The following SYNDIG1 variants were observed in gnomAD, a reference collection of about 807,000 sequenced individuals.
SYNDIG1 encodes the protein synapse differentiation-inducing gene protein 1.
SYNDIG1 carries 9 observed loss-of-function variants against 19.4 expected under a neutral mutation model. The ratio of observed to expected loss-of-function variants is 0.46; its 90% CI spans 0.28 to 0.81. The LOEUF (loss-of-function observed/expected upper bound fraction) is 0.81. SYNDIG1 is among the 30% of genes least tolerant of loss of function. The pLI, the probability that SYNDIG1 is intolerant of heterozygous loss-of-function variation, is 0.12. For missense variants in SYNDIG1, 311 were observed against 343.3 expected, an observed-to-expected ratio of 0.91 and a Z score of 0.74; for synonymous variants, 141 against 145.9, an observed-to-expected ratio of 0.97 and a Z score of 0.24.
At chr20:24,641,830 CT>C (rs924418498) in intron 3 of SYNDIG1, among the ~76,000 whole-genome samples, 1 of 152,136 alleles carries the variant, frequency 6.6e-6, no homozygotes, top group African/African-American at 2.4e-5. Flanking sequence ...TTAAAGTCAA[CT>C]TTTTATTTTA....
At chr20:24,642,821 A>G (rs1160326616) in intron 3 of SYNDIG1, among the ~76,000 whole-genome samples, 1 of 152,026 alleles carries the variant, frequency 6.6e-6, no homozygotes, top group Non-Finnish European at 1.5e-5. Context: ...TGGTTCTTTC[A>G]TTAGAGAATA....
At position 24,542,893 on chromosome 20, in the gene SYNDIG1, A is replaced by G. The variant is rs934716714; in HGVS notation, c.-78-127A>G. The G allele has an allele frequency of 1.1e-5, 8 of 731,022 alleles. No individual in the cohort carries two copies. In the Admixed American group the frequency reaches 1.5e-4, roughly 13 times the overall value. The allele number at this position is 731,022 out of a possible 1,614,324, so 45.3% of individuals were successfully genotyped here. A position where few individuals can be genotyped will look rare whatever the true frequency, so the allele number is the denominator to read the frequency against. Reference sequence around the variant, plus strand: ...CACTGAATAGGTAGGACTGCATTTTATCTAACTCTCACAGTTACTATGCGT... The same window carrying G: ...CACTGAATAGGTAGGACTGCATTTTGTCTAACTCTCACAGTTACTATGCGT... On this transcript the variant is annotated intron_variant, in intron 1 of 3. Coordinates refer to ENST00000376862, the MANE Select transcript of SYNDIG1 (RefSeq NM_024893.3).
At chr20:24,489,317 C>T (rs1020793788) in intron 1 of SYNDIG1, among the ~76,000 whole-genome samples, 2 of 148,450 alleles carry the variant, frequency 1.3e-5, no homozygotes, top group African/African-American at 5.0e-5. Context: ...CACGCAGACA[C>T]ATGGACACAC....
At chr20:24,527,193 T>G (rs1326517589) in intron 1 of SYNDIG1, among the ~76,000 whole-genome samples, 2 of 152,234 alleles carry the variant, frequency 1.3e-5, no homozygotes, top group Non-Finnish European at 2.9e-5. Flanking sequence ...CTCCTATCTT[T>G]TTTTCTATTC....
intron 3 of SYNDIG1, 55 bp downstream of exon 3, chr20:24,585,048 T>TGG: frequency 2.5e-6 from 1 of 395,196 alleles, no homozygotes; most frequent in Admixed American, 4.4e-5. Flanking sequence ...AGGGTGGGGG[T>TGG]GGGGGCGGCA....
At chr20:24,615,530 C>G (rs1174136178) in intron 3 of SYNDIG1, among the ~76,000 whole-genome samples, 1 of 152,180 alleles carries the variant, frequency 6.6e-6, no homozygotes, top group Non-Finnish European at 1.5e-5. Context: ...ACAAGGAACC[C>G]ATGCTGCACC....
At chr20:24,529,907 A>T (rs2146613772) in intron 1 of SYNDIG1, among the ~76,000 whole-genome samples, 1 of 14,066 alleles carries the variant, frequency 7.1e-5, no homozygotes, top group African/African-American at 3.2e-4. Flanking sequence ...TGATGGTAGT[A>T]CTCCTGGTGA....
intron 1 of SYNDIG1, among the ~76,000 whole-genome samples, chr20:24,516,995 T>C (rs2056880646): frequency 6.6e-6 from 1 of 152,176 alleles, no homozygotes; most frequent in South Asian, 2.1e-4. Context: ...GTTCATGTCC[T>C]TTGTAGGGAC....
At chr20:24,522,234 T>A (rs1001924672) in intron 1 of SYNDIG1, among the ~76,000 whole-genome samples, 1 of 152,070 alleles carries the variant, frequency 6.6e-6, no homozygotes, top group African/African-American at 2.4e-5. Context: ...TAGCTAGGAC[T>A]ATAGGTGCAT....
At chr20:24,577,217 A>G (rs561620809) in intron 2 of SYNDIG1, among the ~76,000 whole-genome samples, 3 of 152,338 alleles carry the variant, frequency 2.0e-5, no homozygotes, top group African/African-American at 7.2e-5. Flanking sequence ...GGGGGTTCTC[A>G]GGAGATGTCT....
chr20:24,659,516 G>C (rs1296977511), intron 3 of SYNDIG1, among the ~76,000 whole-genome samples: 1 of 152,250 alleles, frequency 6.6e-6, no homozygotes, highest in Non-Finnish European at 1.5e-5. Context: ...GGAGACACAA[G>C]GGCCCAGACA....
intron 1 of SYNDIG1, among the ~76,000 whole-genome samples, chr20:24,533,279 G>C (rs1047505826): frequency 6.6e-6 from 1 of 152,088 alleles, no homozygotes; most frequent in African/African-American, 2.4e-5. Context: ...CTCCTTGCAG[G>C]CTGGGAGGCC....
chr20:24,603,934 C>T (rs1373266448), intron 3 of SYNDIG1, among the ~76,000 whole-genome samples: 1 of 152,148 alleles, frequency 6.6e-6, no homozygotes, highest in Non-Finnish European at 1.5e-5. Context: ...TCACAGTCAA[C>T]CTTTGCCTGA....
intron 1 of SYNDIG1, among the ~76,000 whole-genome samples, chr20:24,541,654 G>A (rs747379136): frequency 3.1e-4 from 47 of 152,200 alleles, no homozygotes; most frequent in Non-Finnish European, 4.9e-4. Context: ...AAAGTGTTTG[G>A]TCAAGAGAAG....
intron 3 of SYNDIG1, among the ~76,000 whole-genome samples, chr20:24,589,228 A>G (rs1195164683): frequency 6.6e-6 from 1 of 152,218 alleles, no homozygotes; most frequent in Non-Finnish European, 1.5e-5. Flanking sequence ...TAATCTTTGC[A>G]GTGAGTCCAG....
intron 1 of SYNDIG1, among the ~76,000 whole-genome samples, chr20:24,520,133 T>A (rs1416453748): frequency 6.6e-6 from 1 of 152,136 alleles, no homozygotes; most frequent in Admixed American, 6.6e-5. Flanking sequence ...GGCTTTTCCC[T>A]GAGCATGCTT....
At chr20:24,641,979 A>T (rs1442719582) in intron 3 of SYNDIG1, among the ~76,000 whole-genome samples, 1 of 152,258 alleles carries the variant, frequency 6.6e-6, no homozygotes, top group Non-Finnish European at 1.5e-5. Context: ...CTAACACATT[A>T]TCAGAAACTA....
chr20:24,608,695 G>A (rs1319370930), intron 3 of SYNDIG1, among the ~76,000 whole-genome samples: 1 of 152,202 alleles, frequency 6.6e-6, no homozygotes, highest in Non-Finnish European at 1.5e-5. Context: ...CTGTTGGTAA[G>A]CAAAAGCTTT....
At chr20:24,627,138 G>C (rs1185751143) in intron 3 of SYNDIG1, among the ~76,000 whole-genome samples, 9 of 146,862 alleles carry the variant, frequency 6.1e-5, no homozygotes, top group African/African-American at 2.1e-4. Flanking sequence ...AGAGGGAGAG[G>C]GAGAGGGAGA....
Sources: allele counts gnomAD v4.1 joint callset (sites outside exome capture counted in the v4.1 genomes callset), GRCh38; gene constraint gnomAD v4.1.1; transcripts MANE v1.5; gene names NCBI Gene and HGNC (gene_info 2026-07-23, HGNC 2026-07-21).